The following SPATS2 variants were observed in gnomAD, a reference collection of about 807,000 sequenced individuals.
The protein encoded by SPATS2 is spermatogenesis associated serine rich 2.
In SPATS2, 38 loss-of-function variants were observed where a neutral mutation model predicts 63.7. The ratio of observed to expected loss-of-function variants is 0.60; its 90% confidence interval spans 0.46 to 0.78. The LOEUF (loss-of-function observed/expected upper bound fraction) is 0.78. Ranked by LOEUF, SPATS2 falls within the 30% of genes least tolerant of loss-of-function variation. The pLI is 0.00. For synonymous variants in SPATS2, 207 were observed against 232.9 expected (o/e 0.89, Z 1.01); for missense variants, 588 against 666.2 (o/e 0.88, Z 1.29).
At chr12:49,493,974 C>T (rs1008269127) in intron 6 of SPATS2, among the ~76,000 whole-genome samples, 5 of 152,064 alleles carry the variant, frequency 3.3e-5, no homozygotes, top group African/African-American at 9.7e-5. Flanking sequence ...TTTAAGCAGT[C>T]GCCTATTGAT....
intron 9 of SPATS2, among the ~76,000 whole-genome samples, chr12:49,512,104 A>T (rs1373624943): frequency 6.6e-6 from 1 of 152,244 alleles, no homozygotes; most frequent in Non-Finnish European, 1.5e-5. Context: ...ATGTGCTTTT[A>T]ATAAGAAATT....
chr12:49,406,047 T>C (rs1250797023), intron 2 of SPATS2, among the ~76,000 whole-genome samples: 1 of 152,052 alleles, frequency 6.6e-6, no homozygotes, highest in African/African-American at 2.4e-5. Context: ...GTGGATCACT[T>C]GAGGTCAGGA....
At position 49,496,956 on chromosome 12, in the gene SPATS2, A is replaced by G; in HGVS notation, c.650A>G (p.Gln217Arg). Residue 217 changes from glutamine (Q) to arginine (R), a missense_variant, in exon 8 of 14, where the codon CAG (glutamine) becomes CGG (arginine). Coordinates refer to ENST00000552918, the MANE Select transcript of SPATS2 (RefSeq NM_023071.4). ...CTCTCAAGACCTACCACAGAAACTC[A>G]GTTTTCAAATATGGGGATGGAAGAT... ...KSLSRPTTET[Q>R]FSNMGMEDVP... The G allele has an allele frequency of 3.1e-6, 5 of 1,605,182 alleles. No individual in the cohort carries two copies. The highest frequency in any genetic ancestry group is 4.3e-6 in the Non-Finnish European group (5 of 1,176,384).
intron 3 of SPATS2, among the ~76,000 whole-genome samples, chr12:49,466,353 G>C (rs1463616461): frequency 6.6e-6 from 1 of 152,102 alleles, no homozygotes; most frequent in Non-Finnish European, 1.5e-5. Context: ...AGTAGAGACA[G>C]GGTTTCACCA....
At chr12:49,386,205 C>G (rs1172249774) in intron 2 of SPATS2, among the ~76,000 whole-genome samples, 1 of 151,566 alleles carries the variant, frequency 6.6e-6, no homozygotes, top group South Asian at 2.1e-4. Flanking sequence ...CGCTCTGTCA[C>G]CCAGGCTGGA....
chr12:49,503,939 G>T (rs1029996493), intron 9 of SPATS2, among the ~76,000 whole-genome samples: 1 of 152,160 alleles, frequency 6.6e-6, no homozygotes, highest in African/African-American at 2.4e-5. Context: ...TAACAACCAG[G>T]TCAATTTAAC....
chr12:49,377,116 T>C (rs1042863063), intron 2 of SPATS2, among the ~76,000 whole-genome samples: 1 of 152,210 alleles, frequency 6.6e-6, no homozygotes, highest in Non-Finnish European at 1.5e-5. Context: ...TGTTGAAATG[T>C]CTAATTTCTT....
chr12:49,432,200 G>A (rs1280705236), intron 2 of SPATS2, among the ~76,000 whole-genome samples: 2 of 152,190 alleles, frequency 1.3e-5, no homozygotes, highest in African/African-American at 2.4e-5. Flanking sequence ...GTGGCTGGGC[G>A]TGCTGGCTTA....
At chr12:49,463,941 A>G (rs576054482) in intron 3 of SPATS2, among the ~76,000 whole-genome samples, 2 of 152,340 alleles carry the variant, frequency 1.3e-5, no homozygotes, top group South Asian at 2.1e-4. Flanking sequence ...CTCCAAGCCT[A>G]TTAGCCAATA....
rs141171093 is a variant in SPATS2, at chr12:49,484,605, T to C, written c.41T>C (p.Ile14Thr). The C allele has an allele frequency of 5.3e-5, 86 of 1,613,848 alleles. No homozygotes were observed. In the African/African-American group the frequency reaches 1.0e-3, roughly 19 times the overall value. The change falls in exon 4 of 14, where the codon ATT becomes ACT. Residue 14 changes from isoleucine (I) to threonine (T), a missense_variant. Ile to Thr is a moderately conservative substitution (Grantham distance 89). Coordinates refer to ENST00000552918, the MANE Select transcript of SPATS2 (RefSeq NM_023071.4). ...ATTCTTTCAGATTCATCAGGATTCA[T>C]TTTTGATTTGCAGTCCAATACCGTA... The part of the protein sequence containing the change: ...KQNQKDSSGF[I>T]FDLQSNTVLA...
chr12:49,481,704 CCG>C (rs1220942192), intron 3 of SPATS2, among the ~76,000 whole-genome samples: 1 of 151,892 alleles, frequency 6.6e-6, no homozygotes, highest in Non-Finnish European at 1.5e-5. Flanking sequence ...CTCAAGTGAT[CCG>C]CCCGCCTCAG....
At chr12:49,430,455 A>C (rs1945166806) in intron 2 of SPATS2, among the ~76,000 whole-genome samples, 1 of 152,000 alleles carries the variant, frequency 6.6e-6, no homozygotes, top group South Asian at 2.1e-4. Context: ...TAAACTGATT[A>C]TATTATGGAA....
At chr12:49,437,029 A>T (rs1273674483) in intron 2 of SPATS2, among the ~76,000 whole-genome samples, 1 of 149,886 alleles carries the variant, frequency 6.7e-6, no homozygotes, top group Non-Finnish European at 1.5e-5. Flanking sequence ...CCTCCCTCCC[A>T]GACGGGGTGG....
chr12:49,377,330 G>A (rs936662101), intron 2 of SPATS2, among the ~76,000 whole-genome samples: 8 of 152,144 alleles, frequency 5.3e-5, no homozygotes, highest in Admixed American at 1.3e-4. Context: ...GGAGCACAGG[G>A]AACAATGCGT....
intron 2 of SPATS2, among the ~76,000 whole-genome samples, chr12:49,371,936 A>T (rs1944004810): frequency 7.3e-6 from 1 of 136,536 alleles, no homozygotes; most frequent in Admixed American, 8.2e-5. Flanking sequence ...TCCAAACTAT[A>T]TCGCCCTCCT....
At chr12:49,452,026 G>C (rs183054159) in intron 2 of SPATS2, among the ~76,000 whole-genome samples, 2 of 152,158 alleles carry the variant, frequency 1.3e-5, no homozygotes, top group East Asian at 3.9e-4. Context: ...TGTTCTTGCT[G>C]CTTTCAAGAT....
rs574290552 is a variant in SPATS2 at position 49,381,740 on chromosome 12, C to T, written c.-244+10450C>T. 2.0e-5 allele frequency among the ~76,000 whole-genome samples: 3 copies of T among 152,236 alleles called. No individual in the cohort carries two copies. In the South Asian group the frequency reaches 6.2e-4, roughly 32 times the overall value. On this transcript the variant is annotated intron_variant, in intron 2 of 13. Transcript: ENST00000552918. Reference sequence around the variant, plus strand: ...TAATAGTATGTGATTGATGTATTATCATTGTTTTATGCTTATTGCATCTTG... The same window carrying T: ...TAATAGTATGTGATTGATGTATTATTATTGTTTTATGCTTATTGCATCTTG...
At chr12:49,389,670 A>T in intron 2 of SPATS2, 1 of 1,431,450 alleles carries the variant, frequency 7.0e-7, no homozygotes, top group Non-Finnish European at 9.9e-7. Flanking sequence ...GAAATTCAAG[A>T]GCTTAATGAA....
chr12:49,500,819 TAAC>T (rs1946554614), intron 9 of SPATS2, among the ~76,000 whole-genome samples: 1 of 152,082 alleles, frequency 6.6e-6, no homozygotes, highest in Non-Finnish European at 1.5e-5. Context: ...TAAGATCCTA[TAAC>T]AAATGACATG....
Sources: gnomAD v4.1 joint callset for allele counts (sites outside exome capture counted in the v4.1 genomes callset) on GRCh38, gnomAD v4.1.1 for gene constraint, MANE v1.5 for transcripts, NCBI Gene and HGNC (gene_info 2026-07-23, HGNC 2026-07-21) for gene names.